TAOK3: variants seen among roughly 807,000 people sequenced by gnomAD.
The protein encoded by TAOK3 is serine/threonine-protein kinase TAO3.
A neutral mutation model predicts 120.4 loss-of-function variants in TAOK3; 40 were observed. That is an observed-to-expected ratio of 0.33 (90% CI 0.26 to 0.43). TAOK3 has a LOEUF of 0.43. TAOK3 is among the 20% of genes least tolerant of loss of function. TAOK3 has a pLI of 1.00. For synonymous variants in TAOK3, 355 were observed against 387.5 expected, an observed-to-expected ratio of 0.92 and a Z score of 0.99; for missense variants, 821 against 1,112.1, an observed-to-expected ratio of 0.74 and a Z score of 3.72.
intron 9 of TAOK3, among the ~76,000 whole-genome samples, chr12:118,231,942 GA>G (rs964335010): frequency 2.7e-5 from 4 of 150,690 alleles, no homozygotes; most frequent in African/African-American, 9.7e-5. Flanking sequence ...AAGAAAAAAA[GA>G]AAAAAAAGAA....
intron 12 of TAOK3, chr12:118,199,473 G>A (rs967536319): frequency 8.7e-6 from 5 of 577,330 alleles, no homozygotes; most frequent in Admixed American, 2.9e-5. Context: ...CATTCTGGAC[G>A]TGGGTCATAA....
At chr12:118,162,303 C>T (rs2035271821) in intron 17 of TAOK3, among the ~76,000 whole-genome samples, 1 of 152,218 alleles carries the variant, frequency 6.6e-6, no homozygotes, top group Non-Finnish European at 1.5e-5. Flanking sequence ...CTCTCTCTTA[C>T]CTCACAGAGC....
Position 118,162,064 on chromosome 12 carries a change from AATGG to A in TAOK3, c.1900-41_1900-38del, listed in dbSNP as rs768094894. 23 of 1,604,152 alleles carry A rather than the reference AATGG, an allele frequency of 1.4e-5. No individual in the cohort carries two copies. The South Asian group carries it at 2.2e-4, about 15-fold the overall frequency. On this transcript the variant is annotated intron_variant, in intron 17 of 20. Coordinates refer to ENST00000392533, the MANE Select transcript of TAOK3 (RefSeq NM_016281.4). ...AACAAAAGATAAACGGAGAGAGGTGAATGGAGATGAACTGGAAGGAATGCACAAC... is the reference window on the plus strand; with the variant it reads ...AACAAAAGATAAACGGAGAGAGGTGAAGATGAACTGGAAGGAATGCACAAC...
chr12:118,245,637 A>G (rs1193649921), intron 3 of TAOK3, among the ~76,000 whole-genome samples: 2 of 152,174 alleles, frequency 1.3e-5, no homozygotes, highest in African/African-American at 4.8e-5. Flanking sequence ...ATTTAAAATA[A>G]TATCTCCATA....
At chr12:118,166,825 T>TAC (rs2035617183) in intron 17 of TAOK3, among the ~76,000 whole-genome samples, 2 of 106,382 alleles carry the variant, frequency 1.9e-5, no homozygotes, top group African/African-American at 3.6e-5. Flanking sequence ...TATATATATA[T>TAC]ATACACACAC....
intron 9 of TAOK3, among the ~76,000 whole-genome samples, chr12:118,215,178 C>A (rs988741238): frequency 6.8e-6 from 1 of 147,436 alleles, no homozygotes; most frequent in Admixed American, 6.7e-5. Context: ...TGCACCCAGT[C>A]CCATAATGAA....
Position 118,172,550 on chromosome 12 carries a change from A to C in TAOK3, c.1806T>G (p.Thr602=). 6.2e-7 allele frequency: 1 copy of C among 1,614,096 alleles called. No homozygotes were observed. The highest frequency in any genetic ancestry group is 8.5e-7 in the Non-Finnish European group (1 of 1,180,010). The part of the protein sequence containing the change: ...TQAEEEAHLL[T]QQRLYYDKNC... The stretch of plus-strand genomic sequence containing the variant: ...TTTTGTCGTAGTACAGTCTCTGTTG[A>C]GTGAGAAGGTGGGCTTCCTCTTCAG... The change falls in exon 17 of 21, where the codon ACT becomes ACG. Residue 602 remains threonine, a synonymous_variant. Coordinates refer to ENST00000392533, the MANE Select transcript of TAOK3 (RefSeq NM_016281.4).
rs1383243040 is a variant in TAOK3, at chr12:118,244,912, A to C, written c.174T>G (p.Ser58Arg). Residue 58 changes from serine (S) to arginine (R), a missense_variant, in exon 4 of 21, where the codon AGT becomes AGG. By Grantham distance (110) the Ser-to-Arg change is moderately radical. This residue lies in a region of TAOK3 where 467 missense variants were observed against 540.0 expected (regional missense o/e 0.86). Coordinates refer to ENST00000392533, the MANE Select transcript of TAOK3 (RefSeq NM_016281.4). ...EVVAIKKMSY[S>R]GKQTHEKWQD... ...ATCTCACCTCATGGGTCTGCTTCCC[A>C]CTATAGGACATCTTCTTAATTGCCA... is the stretch of plus-strand genomic sequence containing the variant. 3 of 1,608,472 alleles carry C rather than the reference A, an allele frequency of 1.9e-6. No individual in the cohort carries two copies. Among genetic ancestry groups the C allele is most frequent in the Non-Finnish European group, 2.6e-6 (3 of 1,175,412 alleles).
intron 1 of TAOK3, among the ~76,000 whole-genome samples, chr12:118,272,466 T>G (rs2041747970): frequency 6.6e-6 from 1 of 152,120 alleles, no homozygotes; most frequent in South Asian, 2.1e-4. Flanking sequence ...CTCAACAATG[T>G]TTTTCTCTGG....
chr12:118,174,101 C>T (rs1466187949), intron 16 of TAOK3, among the ~76,000 whole-genome samples: 1 of 152,092 alleles, frequency 6.6e-6, no homozygotes, highest in Non-Finnish European at 1.5e-5. Context: ...AGACTGCAGA[C>T]CCCGATTCAA....
intron 3 of TAOK3, chr12:118,246,661 T>G (rs2040523871): frequency 6.4e-7 from 1 of 1,567,292 alleles, no homozygotes. Context: ...TCTGTGCTGG[T>G]GCGCCTCATC....
intron 9 of TAOK3, among the ~76,000 whole-genome samples, chr12:118,230,002 A>C (rs956608196): frequency 2.6e-5 from 4 of 152,166 alleles, no homozygotes; most frequent in African/African-American, 9.6e-5. Flanking sequence ...TATAATAGAT[A>C]TTAATTAATC....
At chr12:118,304,718 A>G (rs1417782946) in intron 1 of TAOK3, among the ~76,000 whole-genome samples, 2 of 152,216 alleles carry the variant, frequency 1.3e-5, no homozygotes, top group East Asian at 3.8e-4. Context: ...TGATGTTTTT[A>G]GCAATTTGTT....
At chr12:118,265,398 A>G (rs1162380771) in intron 2 of TAOK3, among the ~76,000 whole-genome samples, 2 of 151,276 alleles carry the variant, frequency 1.3e-5, no homozygotes, top group African/African-American at 4.9e-5. Context: ...CAGGAAGAAA[A>G]AAAAAAAAAA....
intron 1 of TAOK3, among the ~76,000 whole-genome samples, chr12:118,330,749 A>T (rs1232550807): frequency 6.7e-6 from 1 of 149,072 alleles, no homozygotes; most frequent in East Asian, 2.0e-4. Flanking sequence ...GAAGGAAAGA[A>T]GAAAGAGGAG....
chr12:118,218,453 G>A (rs1271673392), intron 9 of TAOK3, among the ~76,000 whole-genome samples: 1 of 152,002 alleles, frequency 6.6e-6, no homozygotes, highest in East Asian at 1.9e-4. Flanking sequence ...GTATTTGCAT[G>A]TAACCTGCAC....
At chr12:118,287,918 A>G (rs935529614) in intron 1 of TAOK3, among the ~76,000 whole-genome samples, 12 of 152,104 alleles carry the variant, frequency 7.9e-5, no homozygotes, top group African/African-American at 2.7e-4. Context: ...AGAGCTCTGT[A>G]TTTATAACTT....
intron 9 of TAOK3, among the ~76,000 whole-genome samples, chr12:118,219,113 G>T (rs1252393620): frequency 6.6e-6 from 1 of 152,190 alleles, no homozygotes; most frequent in African/African-American, 2.4e-5. Flanking sequence ...CCGATTCTGA[G>T]AAGTAACCTA....
At chr12:118,303,892 C>T (rs1201792061) in intron 1 of TAOK3, among the ~76,000 whole-genome samples, 1 of 152,256 alleles carries the variant, frequency 6.6e-6, no homozygotes, top group Non-Finnish European at 1.5e-5. Context: ...AGGTGATCCA[C>T]CTGCCTTGGC....
Sources: gnomAD v4.1 joint callset for allele counts (sites outside exome capture counted in the v4.1 genomes callset) on GRCh38, gnomAD v4.1.1 for gene constraint, gnomAD v4.1.1 regional missense constraint, MANE v1.5 for transcripts, NCBI Gene and HGNC (gene_info 2026-07-23, HGNC 2026-07-21) for gene names.